LIMD1: variants seen among roughly 807,000 people sequenced by gnomAD.
LIMD1 encodes LIM domain containing 1, also known as LIM domain-containing protein 1.
In LIMD1, 23 loss-of-function variants were observed where a neutral mutation model predicts 58.4. The ratio of observed to expected loss-of-function variants is 0.39; its 90% confidence interval spans 0.28 to 0.56. LIMD1 has a LOEUF of 0.56. LIMD1 is among the 20% of genes least tolerant of loss of function. The pLI, the probability that LIMD1 is intolerant of heterozygous loss-of-function variation, is 0.57. For missense variants in LIMD1, 838 were observed against 855.5 expected (o/e 0.98, Z 0.25); for synonymous variants, 334 against 345.5 (o/e 0.97, Z 0.37).
In LIMD1 at chr3:45,621,712, TAAAC is replaced by T. The variant is rs538160667; in HGVS notation, c.1409-14435_1409-14432del. ...ATGAGTAGTTTTGTACATTCTTTCT[TAAAC>T]AACAGCATTTAATAACAGGTATACT... On this transcript the variant is annotated intron_variant, in intron 1 of 7. Transcript: ENST00000273317. Among the ~76,000 whole-genome samples, 122 of 152,282 alleles carry T rather than the reference TAAAC, an allele frequency of 8.0e-4. 1 individual carries two copies. Among genetic ancestry groups the T allele is most frequent in the Admixed American group, 3.3e-3 (51 of 15,278 alleles).
intron 5 of LIMD1, 101 bp downstream of exon 5, chr3:45,672,921 C>G: frequency 7.1e-7 from 1 of 1,406,286 alleles, no homozygotes; most frequent in Non-Finnish European, 9.9e-7. Flanking sequence ...GCCAGCCGCC[C>G]TTAGATCACA....
At chr3:45,599,379 T>A (rs1198920231) in intron 1 of LIMD1, among the ~76,000 whole-genome samples, 1 of 152,214 alleles carries the variant, frequency 6.6e-6, no homozygotes, top group Non-Finnish European at 1.5e-5. Flanking sequence ...ATTCTGTCCC[T>A]ATGGCATTTA....
rs533903210 is a variant in LIMD1, at chr3:45,659,555, G to C, written c.1511-6095G>C. Among the ~76,000 whole-genome samples, 8 of 152,064 alleles carry C rather than the reference G, an allele frequency of 5.3e-5. 1 individual carries two copies. In the East Asian group the frequency reaches 1.4e-3, roughly 26 times the overall value. Reference sequence around the variant, plus strand: ...GATTGCACCACTGCACTCCAGCCTGGGTGACAGAGTCAGGCTCCATCTCAA... The same window carrying C: ...GATTGCACCACTGCACTCCAGCCTGCGTGACAGAGTCAGGCTCCATCTCAA... On this transcript the variant is annotated intron_variant, in intron 2 of 7. Coordinates refer to ENST00000273317, the MANE Select transcript of LIMD1 (RefSeq NM_014240.3).
At chr3:45,626,883 T>C (rs1333923284) in intron 1 of LIMD1, among the ~76,000 whole-genome samples, 2 of 104,138 alleles carry the variant, frequency 1.9e-5, no homozygotes, top group Non-Finnish European at 3.7e-5. Flanking sequence ...GCTGTGAACC[T>C]AAAACTGCTC....
At chr3:45,636,470 A>G (rs2235130) in intron 2 of LIMD1, among the ~76,000 whole-genome samples, 13,498 of 152,274 alleles carry the variant, frequency 0.089, 677 homozygotes, top group East Asian at 0.16. Context: ...ATTGCCTGTG[A>G]TTCTGGTGAT....
chr3:45,660,786 C>T (rs1488773025), intron 2 of LIMD1, among the ~76,000 whole-genome samples: 1 of 152,134 alleles, frequency 6.6e-6, no homozygotes, highest in East Asian at 1.9e-4. Context: ...CAGCTGTCAC[C>T]CAGGTAGGTG....
At chr3:45,664,229 C>G (rs1697482528) in intron 2 of LIMD1, among the ~76,000 whole-genome samples, 1 of 152,144 alleles carries the variant, frequency 6.6e-6, no homozygotes, top group Non-Finnish European at 1.5e-5. Context: ...TGGTCCCAAA[C>G]TCCTGACCTC....
In LIMD1 at chr3:45,670,130, C is replaced by T. The variant is rs902789182; in HGVS notation, c.1641+1774C>T. Among the ~76,000 whole-genome samples, 9 of 152,166 alleles carry T rather than the reference C, an allele frequency of 5.9e-5. 1 individual carries two copies. Among genetic ancestry groups the T allele is most frequent in the Admixed American group, 5.2e-4 (8 of 15,288 alleles). On this transcript the variant is annotated intron_variant, in intron 4 of 7. Transcript: ENST00000273317. ...GTAGGCAGAAGCTACATATGCTTACCTCTCCTTCCCAGGTATCTTCTAGAC... is the reference window on the plus strand; with the variant it reads ...GTAGGCAGAAGCTACATATGCTTACTTCTCCTTCCCAGGTATCTTCTAGAC...
rs1254632947 is a variant in LIMD1 at position 45,680,418 on chromosome 3, TC to T, written c.*3361del. On this transcript the variant is annotated 3_prime_UTR_variant, in exon 8 of 8. Transcript: ENST00000273317. ...GCCTCCACCTACTGGGCTCAAGTGATCCTCCCACCTCAGCCTCCCGAGTAGC... is the reference window on the plus strand; with the variant it reads ...GCCTCCACCTACTGGGCTCAAGTGATCTCCCACCTCAGCCTCCCGAGTAGC... 1 of 152,178 alleles carries T rather than the reference TC, an allele frequency of 6.6e-6. No individual in the cohort carries two copies. The highest frequency in any genetic ancestry group is 1.5e-5 in the Non-Finnish European group (1 of 68,168). The allele number at this position is 152,178 out of a possible 1,614,324, so 9.4% of individuals were successfully genotyped here.
chr3:45,669,987 T>C (rs1697569023), intron 4 of LIMD1, among the ~76,000 whole-genome samples: 1 of 152,188 alleles, frequency 6.6e-6, no homozygotes, highest in South Asian at 2.1e-4. Context: ...GAATATCTGC[T>C]ATCTCCCAGG....
chr3:45,613,939 G>T (rs1030536371), intron 1 of LIMD1, among the ~76,000 whole-genome samples: 1 of 152,104 alleles, frequency 6.6e-6, no homozygotes, highest in African/African-American at 2.4e-5. Context: ...GTGCCACTTA[G>T]CATTCCCACA....
intron 1 of LIMD1, among the ~76,000 whole-genome samples, chr3:45,625,161 A>T (rs1241749010): frequency 6.6e-6 from 1 of 152,128 alleles, no homozygotes; most frequent in Admixed American, 6.5e-5. Context: ...ACCCTAAATC[A>T]TAGTGATTTC....
chr3:45,653,938 A>T (rs2125664638), intron 2 of LIMD1, among the ~76,000 whole-genome samples: 1 of 151,640 alleles, frequency 6.6e-6, no homozygotes, highest in South Asian at 2.1e-4. Flanking sequence ...AAAAAGAAAA[A>T]AAAAAAAGAA....
intron 1 of LIMD1, among the ~76,000 whole-genome samples, chr3:45,615,803 C>T (rs1701570272): frequency 2.1e-5 from 3 of 143,498 alleles, no homozygotes; most frequent in Non-Finnish European, 4.6e-5. Flanking sequence ...CCACCCTCTT[C>T]CCCTTCCCTT....
intron 2 of LIMD1, among the ~76,000 whole-genome samples, chr3:45,654,025 C>T (rs1050835573): frequency 1.4e-4 from 22 of 151,808 alleles, no homozygotes; most frequent in Admixed American, 7.9e-4. Flanking sequence ...TAAAGCTTCC[C>T]TAGTCACAAG....
chr3:45,635,658 G>A (rs779000703), intron 1 of LIMD1, among the ~76,000 whole-genome samples: 1 of 148,204 alleles, frequency 6.7e-6, no homozygotes, highest in Non-Finnish European at 1.5e-5. Flanking sequence ...AGCACTTTAG[G>A]AGGCCGAGGC....
At chr3:45,656,530 T>A (rs1702029471) in intron 2 of LIMD1, among the ~76,000 whole-genome samples, 1 of 151,938 alleles carries the variant, frequency 6.6e-6, no homozygotes, top group South Asian at 2.1e-4. Flanking sequence ...TCTTTCTTTT[T>A]TTTTTTGAGA....
intron 1 of LIMD1, among the ~76,000 whole-genome samples, chr3:45,634,067 C>G (rs555976970): frequency 4.6e-5 from 7 of 152,062 alleles, no homozygotes; most frequent in African/African-American, 1.7e-4. Flanking sequence ...GTTGATTTTT[C>G]AAAAATTTTA....
chr3:45,621,832 A>C (rs1701630810), intron 1 of LIMD1, among the ~76,000 whole-genome samples: 1 of 152,086 alleles, frequency 6.6e-6, no homozygotes, highest in South Asian at 2.1e-4. Context: ...TGGGAGGCTG[A>C]AGTGGGTGGA....
Sources: gnomAD v4.1 joint callset for allele counts (sites outside exome capture counted in the v4.1 genomes callset) on GRCh38, gnomAD v4.1.1 for gene constraint, MANE v1.5 for transcripts, NCBI Gene and HGNC (gene_info 2026-07-23, HGNC 2026-07-21) for gene names.